CAMTA1: variants seen among roughly 807,000 people sequenced by gnomAD.
The protein encoded by CAMTA1 is calmodulin-binding transcription activator 1.
Under a neutral mutation model 170.9 loss-of-function variants are expected in CAMTA1, and 27 were observed. The observed-to-expected ratio is 0.16, with a 90% CI of 0.12 to 0.22. The LOEUF (loss-of-function observed/expected upper bound fraction) is 0.22. CAMTA1 is among the 10% of genes least tolerant of loss of function. The pLI, the probability that CAMTA1 is intolerant of heterozygous loss-of-function variation, is 1.00. For synonymous variants in CAMTA1, 833 were observed against 891.5 expected (o/e 0.93, Z 1.17); for missense variants, 1,619 against 2,217.2 (o/e 0.73, Z 5.42).
chr1:7,394,379 A>G (rs1392788531), intron 5 of CAMTA1, among the ~76,000 whole-genome samples: 4 of 152,060 alleles, frequency 2.6e-5, no homozygotes, highest in Non-Finnish European at 4.4e-5. Flanking sequence ...TTGATTAGCC[A>G]TTCTAATTGG....
rs191781464 is a variant in CAMTA1 at position 7,705,712 on chromosome 1, C to T, written c.2915-26736C>T. 8.8e-3 allele frequency among the ~76,000 whole-genome samples: 1,340 copies of T among 152,324 alleles called. 13 individuals are homozygous for T. Among genetic ancestry groups the T allele is most frequent in the African/African-American group, 0.029 (1,212 of 41,578 alleles). On this transcript the variant is annotated intron_variant, in intron 11 of 22. Coordinates refer to ENST00000303635, the MANE Select transcript of CAMTA1 (RefSeq NM_015215.4). ...GGCGAGGTGCGGGCACAGCCCTGCG[C>T]TCCTCAGCGGGTGCGGGATCGGGCG...
At chr1:7,098,240 T>C (rs1441976345) in intron 4 of CAMTA1, among the ~76,000 whole-genome samples, 3 of 152,254 alleles carry the variant, frequency 2.0e-5, no homozygotes, top group Non-Finnish European at 4.4e-5. Context: ...TTTGGAACTA[T>C]GCAGGAAAAA....
chr1:7,565,917 C>G lies in CAMTA1; in HGVS notation c.511-74483C>G, dbSNP rs1219881170. ...CAGCCGCCTTCTCGCTGTGTCCTCA[C>G]ATAGTAGGGAGAGAGAGAGAGAGAG... is the stretch of plus-strand genomic sequence containing the variant. On this transcript the variant is annotated intron_variant, in intron 6 of 22. Transcript: ENST00000303635. This position sits in a 1 kb window ranked among gnomAD's most constrained non-coding sequence, Gnocchi z 4.5. 1.3e-5 allele frequency among the ~76,000 whole-genome samples: 2 copies of G among 149,916 alleles called. No homozygotes were observed. The highest frequency in any genetic ancestry group is 2.9e-5 in the Non-Finnish European group (2 of 68,004).
At chr1:7,159,855 A>G (rs1647102511) in intron 4 of CAMTA1, among the ~76,000 whole-genome samples, 1 of 152,178 alleles carries the variant, frequency 6.6e-6, no homozygotes, top group Non-Finnish European at 1.5e-5. Flanking sequence ...GGCCTTCTGG[A>G]CAAATGTAGA....
intron 5 of CAMTA1, among the ~76,000 whole-genome samples, chr1:7,423,450 CAA>C (rs1405191400): frequency 6.1e-5 from 7 of 115,230 alleles, no homozygotes; most frequent in African/African-American, 2.4e-4. Context: ...GCCTGGGTGA[CAA>C]GAGCAAAACT....
intron 5 of CAMTA1, among the ~76,000 whole-genome samples, chr1:7,348,910 T>A (rs1039612176): frequency 4.6e-5 from 7 of 152,210 alleles, no homozygotes; most frequent in African/African-American, 1.7e-4. Flanking sequence ...CAAAGTTGCC[T>A]ACTTCTCATT....
At chr1:6,853,180 A>G (rs1313852191) in intron 3 of CAMTA1, 2 of 152,226 alleles carry the variant, frequency 1.3e-5, no homozygotes, top group Non-Finnish European at 2.9e-5. Context: ...AAGAAAGGAG[A>G]AATAAGATGG....
chr1:7,163,984 T>C (rs549012920), intron 4 of CAMTA1, among the ~76,000 whole-genome samples: 2 of 152,348 alleles, frequency 1.3e-5, no homozygotes, highest in East Asian at 1.9e-4. Context: ...AGCACAGATA[T>C]GCTAGCACCT....
intron 5 of CAMTA1, among the ~76,000 whole-genome samples, chr1:7,284,023 C>G (rs1276898795): frequency 6.6e-6 from 1 of 152,194 alleles, no homozygotes; most frequent in Non-Finnish European, 1.5e-5. Context: ...GGGCTTGCCC[C>G]TGTGCTCCCG....
At chr1:7,155,183 C>T (rs556879056) in intron 4 of CAMTA1, among the ~76,000 whole-genome samples, 6 of 152,116 alleles carry the variant, frequency 3.9e-5, no homozygotes, top group East Asian at 1.9e-4. Flanking sequence ...GGCTGTGGGC[C>T]GGAGGAGGCA....
At chr1:7,507,041 TTA>T (rs1393286716) in intron 6 of CAMTA1, among the ~76,000 whole-genome samples, 4 of 149,346 alleles carry the variant, frequency 2.7e-5, no homozygotes, top group African/African-American at 7.7e-5. Flanking sequence ...CATGCTCACA[TTA>T]TCACACTCAA....
At chr1:7,586,095 T>TGGA (rs143665278) in intron 6 of CAMTA1, among the ~76,000 whole-genome samples, 2,160 of 151,996 alleles carry the variant, frequency 0.014, 67 homozygotes, top group African/African-American at 0.049. Context: ...CAGAGGAGCC[T>TGGA]GGAGGAGGAG....
Position 7,704,965 on chromosome 1 carries a change from C to T in CAMTA1, c.2914+27232C>T, listed in dbSNP as rs1367200531. Among the ~76,000 whole-genome samples, 12 of 30,362 alleles carry T rather than the reference C, an allele frequency of 4.0e-4. No homozygotes were observed. In the South Asian group the frequency reaches 0.015, roughly 38 times the overall value. The allele number at this position is 30,362 out of a possible 152,430, so 19.9% of individuals were successfully genotyped here. On this transcript the variant is annotated intron_variant, in intron 11 of 22. Transcript: ENST00000303635. ...GAGGGCGGCGGCCGGCGGGGGCGCGCGCGGGGCGGGGGCGGGGCCGGGGCG... is the reference window on the plus strand; with the variant it reads ...GAGGGCGGCGGCCGGCGGGGGCGCGTGCGGGGCGGGGGCGGGGCCGGGGCG...
chr1:7,532,990 G>C lies in CAMTA1; in HGVS notation c.510+65089G>C, dbSNP rs1349320109. Among the ~76,000 whole-genome samples the C allele has an allele frequency of 6.6e-6, 1 of 152,200 alleles. No homozygotes were observed. The highest frequency in any genetic ancestry group is 1.5e-5 in the Non-Finnish European group (1 of 68,036). On this transcript the variant is annotated intron_variant, in intron 6 of 22. Coordinates refer to ENST00000303635, the MANE Select transcript of CAMTA1 (RefSeq NM_015215.4). This position sits in a 1 kb window ranked among gnomAD's most constrained non-coding sequence, Gnocchi z 4.2. ...GAGATGGGAGGCCCAGGTGGGAGTT[G>C]AGGGTCCCAATAATTAGTACGTTGT...
At chr1:7,505,780 C>T (rs2094096300) in intron 6 of CAMTA1, among the ~76,000 whole-genome samples, 1 of 152,200 alleles carries the variant, frequency 6.6e-6, no homozygotes, top group African/African-American at 2.4e-5. Context: ...TGTACCTGGT[C>T]TTCTCAGTCT....
chr1:7,268,682 C>T (rs1669270189), intron 5 of CAMTA1, among the ~76,000 whole-genome samples: 1 of 152,170 alleles, frequency 6.6e-6, no homozygotes, highest in African/African-American at 2.4e-5. Flanking sequence ...AAGTGCCTAA[C>T]AAAGCTAAAT....
At chr1:6,831,030 G>C (rs1042436636) in intron 3 of CAMTA1, among the ~76,000 whole-genome samples, 3 of 151,512 alleles carry the variant, frequency 2.0e-5, no homozygotes, top group Non-Finnish European at 4.4e-5. Context: ...GTGTTGGCCA[G>C]GATGGTCTCG....
intron 6 of CAMTA1, among the ~76,000 whole-genome samples, chr1:7,523,734 T>A (rs1221286615): frequency 1.6e-5 from 2 of 127,618 alleles, no homozygotes; most frequent in Non-Finnish European, 3.3e-5. Context: ...AAAAAAAAAA[T>A]TAGCCGGGCG....
chr1:7,284,348 C>A (rs1672040123), intron 5 of CAMTA1, among the ~76,000 whole-genome samples: 1 of 151,798 alleles, frequency 6.6e-6, no homozygotes, highest in Admixed American at 6.6e-5. Flanking sequence ...AGACTACAGG[C>A]CCGTGCCACC....
Sources: gnomAD v4.1 joint callset for allele counts (sites outside exome capture counted in the v4.1 genomes callset) on GRCh38, gnomAD v4.1.1 for gene constraint, Gnocchi (gnomAD v3.1) non-coding constraint, MANE v1.5 for transcripts, NCBI Gene and HGNC (gene_info 2026-07-23, HGNC 2026-07-21) for gene names.